The following PRR16 variants were observed in gnomAD, a reference collection of about 807,000 sequenced individuals.
PRR16 encodes the protein protein Largen.
A neutral mutation model predicts 18.2 loss-of-function variants in PRR16; 6 were observed. That is an observed-to-expected ratio of 0.33 (90% CI 0.18 to 0.65). PRR16 has a LOEUF of 0.65. Ranked by LOEUF, PRR16 falls within the 30% of genes least tolerant of loss-of-function variation. PRR16 has a pLI of 0.74. For missense variants in PRR16, 412 were observed against 376.6 expected (o/e 1.09, Z -0.78); for synonymous variants, 151 against 147.8 (o/e 1.02, Z -0.16).
chr5:120,624,967 T>C (rs941395732), intron 1 of PRR16, among the ~76,000 whole-genome samples: 2 of 152,180 alleles, frequency 1.3e-5, no homozygotes, highest in African/African-American at 2.4e-5. Context: ...CCATGTGAGA[T>C]GTGCCTTTCA....
At chr5:120,641,360 C>T (rs1755417193) in intron 1 of PRR16, among the ~76,000 whole-genome samples, 1 of 152,046 alleles carries the variant, frequency 6.6e-6, no homozygotes, top group African/African-American at 2.4e-5. Context: ...AATTATAATG[C>T]TGTTAGATAA....
At chr5:120,684,936 G>C (rs1359580231) in intron 1 of PRR16, among the ~76,000 whole-genome samples, 1 of 152,188 alleles carries the variant, frequency 6.6e-6, no homozygotes, top group Non-Finnish European at 1.5e-5. Flanking sequence ...TCCTCTGCCT[G>C]GTACCTGTAG....
chr5:120,613,138 A>G (rs1389330604), intron 1 of PRR16, among the ~76,000 whole-genome samples: 2 of 152,182 alleles, frequency 1.3e-5, no homozygotes, highest in African/African-American at 4.8e-5. Context: ...GAGTTTACAC[A>G]TGGAACATGG....
At chr5:120,624,783 T>A (rs1199446277) in intron 1 of PRR16, among the ~76,000 whole-genome samples, 2 of 152,136 alleles carry the variant, frequency 1.3e-5, no homozygotes, top group Non-Finnish European at 2.9e-5. Context: ...TCAAATGTCA[T>A]CTTGTAGCCT....
intron 1 of PRR16, among the ~76,000 whole-genome samples, chr5:120,610,329 A>C (rs1053303074): frequency 6.6e-5 from 10 of 150,478 alleles, no homozygotes; most frequent in African/African-American, 1.2e-4. Context: ...TACTTAAATT[A>C]ATATAATTTA....
the PRR16 span, among the ~76,000 whole-genome samples, chr5:120,769,189 T>G: frequency 6.6e-6 from 1 of 151,812 alleles, no homozygotes; most frequent in East Asian, 1.9e-4. Flanking sequence ...AGCTGATTTT[T>G]AATAGTTTTG....
chr5:120,477,601 C>T (rs1749483381), intron 1 of PRR16, among the ~76,000 whole-genome samples: 1 of 152,162 alleles, frequency 6.6e-6, no homozygotes, highest in Non-Finnish European at 1.5e-5. Context: ...TCTCTTAAAC[C>T]TTTCTCAGCA....
intron 1 of PRR16, among the ~76,000 whole-genome samples, chr5:120,643,505 AAAATGCTAC>A (rs1404331359): frequency 2.0e-5 from 3 of 152,156 alleles, no homozygotes; most frequent in Non-Finnish European, 4.4e-5. Context: ...TATTTTGGTC[AAAATGCTAC>A]AAATCCTTAG....
the PRR16 span, among the ~76,000 whole-genome samples, chr5:120,768,457 AT>A: frequency 1.3e-5 from 2 of 151,408 alleles, no homozygotes; most frequent in African/African-American, 2.4e-5. Context: ...TGGTAAAAAA[AT>A]ATATATATAG....
At chr5:120,638,028 C>G (rs1755298057) in intron 1 of PRR16, among the ~76,000 whole-genome samples, 1 of 151,994 alleles carries the variant, frequency 6.6e-6, no homozygotes, top group Non-Finnish European at 1.5e-5. Flanking sequence ...AGTGAAATAC[C>G]TGGTGAACAG....
the PRR16 span, chr5:120,710,583 T>A: frequency 1.3e-5 from 2 of 152,226 alleles, no homozygotes; most frequent in African/African-American, 4.8e-5. Flanking sequence ...GTATTACAGA[T>A]GTCTCTATAG....
chr5:120,704,460 C>T, the PRR16 span, among the ~76,000 whole-genome samples: 1 of 152,066 alleles, frequency 6.6e-6, no homozygotes, highest in East Asian at 1.9e-4. Flanking sequence ...TTTTATTTTC[C>T]AGATGGAGAG....
At chr5:120,546,764 A>G (rs1480582823) in intron 1 of PRR16, among the ~76,000 whole-genome samples, 1 of 152,002 alleles carries the variant, frequency 6.6e-6, no homozygotes, top group East Asian at 1.9e-4. Context: ...CCAAACTGGG[A>G]CTTAGCCTGG....
chr5:120,753,928 ATAT>A, the PRR16 span, among the ~76,000 whole-genome samples: 78 of 15,346 alleles, frequency 5.1e-3, no homozygotes, highest in East Asian at 0.035. Context: ...ATGTATATAA[ATAT>A]TATATATAAT....
chr5:120,679,120 G>T (rs1358648424), intron 1 of PRR16, among the ~76,000 whole-genome samples: 1 of 151,864 alleles, frequency 6.6e-6, no homozygotes, highest in African/African-American at 2.4e-5. Flanking sequence ...AAACCTCCTG[G>T]GATTGTCAAA....
chr5:120,651,741 A>G (rs1580834087), intron 1 of PRR16, among the ~76,000 whole-genome samples: 1 of 152,176 alleles, frequency 6.6e-6, no homozygotes, highest in South Asian at 2.1e-4. Context: ...GCCTTGTAAT[A>G]TAGCTTGAAG....
At chr5:120,646,334 TA>T (rs1374433257) in intron 1 of PRR16, among the ~76,000 whole-genome samples, 5 of 151,938 alleles carry the variant, frequency 3.3e-5, no homozygotes, top group Admixed American at 1.3e-4. Flanking sequence ...GTGACAGTCT[TA>T]TTCATCAATA....
At chr5:120,583,595 C>G (rs1753344783) in intron 1 of PRR16, among the ~76,000 whole-genome samples, 1 of 152,166 alleles carries the variant, frequency 6.6e-6, no homozygotes, top group Non-Finnish European at 1.5e-5. Context: ...AATGAAAGAA[C>G]TGTGTCAAGA....
intron 1 of PRR16, among the ~76,000 whole-genome samples, chr5:120,493,882 C>G (rs1432713124): frequency 6.6e-6 from 1 of 151,854 alleles, no homozygotes; most frequent in Admixed American, 6.6e-5. Context: ...CTTTTTTTTG[C>G]TAACCCATTT....
Sources: allele counts gnomAD v4.1 joint callset (sites outside exome capture counted in the v4.1 genomes callset), GRCh38; gene constraint gnomAD v4.1.1; transcripts MANE v1.5; gene names NCBI Gene and HGNC (gene_info 2026-07-23, HGNC 2026-07-21).